The following ADAMTS10 variants were observed in gnomAD, a reference collection of about 807,000 sequenced individuals.
The protein encoded by ADAMTS10 is ADAM metallopeptidase with thrombospondin type 1 motif 10, also known as A disintegrin and metalloproteinase with thrombospondin motifs 10.
A neutral mutation model predicts 135.9 loss-of-function variants in ADAMTS10; 48 were observed. The observed-to-expected ratio is 0.35, with a 90% CI of 0.28 to 0.45. The LOEUF is 0.45. ADAMTS10 is among the 20% of genes least tolerant of loss of function. The probability of loss-of-function intolerance (pLI) is 1.00; values close to 1 mark genes in which losing one functional copy is unlikely to be tolerated. For synonymous variants in ADAMTS10, 621 were observed against 647.5 expected, an observed-to-expected ratio of 0.96 and a Z score of 0.62; for missense variants, 1,131 against 1,565.2, an observed-to-expected ratio of 0.72 and a Z score of 4.68.
chr19:8,592,300 G>A (rs2042545096), intron 13 of ADAMTS10, 197 bp from the exon 14 acceptor site: 5 of 1,111,908 alleles, frequency 4.5e-6, no homozygotes, highest in Non-Finnish European at 5.0e-6. Context: ...AGCGAGAGGC[G>A]TGGCCTGAGC....
chr19:8,592,435 C>G (rs1555739261), intron 13 of ADAMTS10, among the ~76,000 whole-genome samples: 1 of 150,352 alleles, frequency 6.7e-6, no homozygotes, highest in African/African-American at 2.5e-5. Context: ...CCGAGGGCAG[C>G]ACAGGGGATG....
chr19:8,597,273 G>A lies in ADAMTS10; in HGVS notation c.855C>T (p.Asn285=), dbSNP rs2042616790. 1 of 1,614,054 alleles carries A rather than the reference G, an allele frequency of 6.2e-7. No individual in the cohort carries two copies. Among genetic ancestry groups the A allele is most frequent in the African/African-American group, 1.3e-5 (1 of 74,918 alleles). Residue 285 remains asparagine, a synonymous_variant, in exon 7 of 26, where the codon AAC becomes AAT. Coordinates refer to ENST00000597188, the MANE Select transcript of ADAMTS10 (RefSeq NM_030957.4). ...GCAGGATGAGGCGAGTTACGAGGAT[G>A]TTAACGGTGCTTCCCAGACTCGAGT... ...FQDSSLGSTV[N]ILVTRLILLT... is the part of the protein sequence containing the mutation.
chr19:8,580,637 C>A lies in ADAMTS10; in HGVS notation c.*256G>T. On this transcript the variant is annotated 3_prime_UTR_variant, in exon 26 of 26. Coordinates refer to ENST00000597188, the MANE Select transcript of ADAMTS10 (RefSeq NM_030957.4). The stretch of plus-strand genomic sequence containing the variant: ...GTGCTGGGGTGAACAGCTGTCCCCT[C>A]CCCAGACCCACCCTGGAGGGGGGGT... 2.1e-6 allele frequency: 1 copy of A among 483,812 alleles called. No homozygotes were observed. Among genetic ancestry groups the A allele is most frequent in the East Asian group, 3.9e-5 (1 of 25,784 alleles). The allele number at this position is 483,812 out of a possible 1,614,324, so 30.0% of individuals were successfully genotyped here.
chr19:8,608,279 C>T (rs1020304316), intron 1 of ADAMTS10, 31 bp from the exon 2 acceptor site: 4 of 152,384 alleles, frequency 2.6e-5, no homozygotes, highest in South Asian at 4.1e-4. Flanking sequence ...GAGGAGGAGC[C>T]GGGCTGGTCT....
chr19:8,589,600 C>T lies in ADAMTS10; in HGVS notation c.1901-15G>A. 1 of 1,613,170 alleles carries T rather than the reference C, an allele frequency of 6.2e-7. No individual in the cohort carries two copies. Among genetic ancestry groups the T allele is most frequent in the Non-Finnish European group, 8.5e-7 (1 of 1,179,954 alleles). On this transcript the variant is annotated splice_polypyrimidine_tract_variant and intron_variant, in intron 16 of 25. Transcript: ENST00000597188. ...CTTCACGCCCCCTGGGGGGCACGGC[C>T]CCGTCACACCACGGGCCAGGCCACC...
intron 12 of ADAMTS10, among the ~76,000 whole-genome samples, chr19:8,594,039 C>T (rs2042575550): frequency 6.6e-6 from 1 of 152,186 alleles, no homozygotes; most frequent in Non-Finnish European, 1.5e-5. Context: ...GAGGACATTT[C>T]TCAGCTAAAA....
intron 2 of ADAMTS10, among the ~76,000 whole-genome samples, chr19:8,606,585 T>C (rs2146106051): frequency 6.6e-6 from 1 of 152,204 alleles, no homozygotes; most frequent in South Asian, 2.1e-4. Flanking sequence ...GTATTTTTAG[T>C]AGAGATGGGG....
At chr19:8,585,787 C>T (rs2042420087) in intron 22 of ADAMTS10, 127 bp from the exon 23 acceptor site, 1 of 987,640 alleles carries the variant, frequency 1.0e-6, no homozygotes, top group South Asian at 1.5e-5. Context: ...GCACCAGGCA[C>T]CTCCACATTC....
chr19:8,599,843 A>AT lies in ADAMTS10; in HGVS notation c.810+1084dup, dbSNP rs1286068088. Among the ~76,000 whole-genome samples the AT allele has an allele frequency of 3.5e-3, 523 of 149,358 alleles. 2 individuals carry two copies. The highest frequency in any genetic ancestry group is 0.011 in the African/African-American group (446 of 40,616). ...CAGGCTGCTGTGTACTTATTTTTTTATTTTTTTTTGAGACAGAGTCTTGCT... is the reference window on the plus strand; with the variant it reads ...CAGGCTGCTGTGTACTTATTTTTTTATTTTTTTTTTGAGACAGAGTCTTGCT... On this transcript the variant is annotated intron_variant, in intron 6 of 25. Transcript: ENST00000597188.
chr19:8,589,021 G>A (rs1197954187), intron 18 of ADAMTS10, among the ~76,000 whole-genome samples: 1 of 152,058 alleles, frequency 6.6e-6, no homozygotes, highest in African/African-American at 2.4e-5. Flanking sequence ...CAAACTCCTG[G>A]CCTCAAGTGA....
intron 5 of ADAMTS10, among the ~76,000 whole-genome samples, chr19:8,602,676 A>G (rs1397917024): frequency 6.6e-6 from 1 of 152,044 alleles, no homozygotes; most frequent in Non-Finnish European, 1.5e-5. Flanking sequence ...CCCACGCTGG[A>G]GTGCAGTGGT....
chr19:8,604,001 CTTT>C (rs36044688), intron 4 of ADAMTS10, 117 bp from the exon 5 acceptor site: 421 of 823,306 alleles, frequency 5.1e-4, no homozygotes, highest in South Asian at 8.3e-4. Flanking sequence ...TTTGCTATTT[CTTT>C]TTTTTTTTTT....
chr19:8,595,289 T>A (rs1344545976), intron 12 of ADAMTS10, among the ~76,000 whole-genome samples: 1 of 151,864 alleles, frequency 6.6e-6, no homozygotes, highest in Non-Finnish European at 1.5e-5. Flanking sequence ...CAGGAAAGGG[T>A]GGGGAGAGGT....
At position 8,588,850 on chromosome 19, in the gene ADAMTS10, G is replaced by A. The variant is rs140758510; in HGVS notation, c.2158+392C>T. ...TCTGTCGCCCAGACTGGAGTGCAGT[G>A]GTGTGATCTCGGCTCACTGCAACCT... On this transcript the variant is annotated intron_variant, in intron 18 of 25. Transcript: ENST00000597188. Among the ~76,000 whole-genome samples the A allele has an allele frequency of 7.1e-3, 1,075 of 151,984 alleles. 11 individuals are homozygous for A. Among genetic ancestry groups the A allele is most frequent in the African/African-American group, 0.025 (1,046 of 41,470 alleles).
Position 8,605,577 on chromosome 19 carries a change from T to C in ADAMTS10, c.88+46A>G. On this transcript the variant is annotated intron_variant, in intron 3 of 25. Coordinates refer to ENST00000597188, the MANE Select transcript of ADAMTS10 (RefSeq NM_030957.4). The surrounding 1 kb of genome is among the most constrained non-coding windows in gnomAD (Gnocchi z 7.7). ...TTCTGTTGGAGCCCAACTGGTCTCT[T>C]ACATTTTTCGCTCCCTCCCCACCGC... is the stretch of plus-strand genomic sequence containing the variant. 1 of 1,595,820 alleles carries C rather than the reference T, an allele frequency of 6.3e-7. No individual in the cohort carries two copies. Among genetic ancestry groups the C allele is most frequent in the Non-Finnish European group, 8.5e-7 (1 of 1,171,708 alleles).
Position 8,605,009 on chromosome 19 carries a change from C to T in ADAMTS10, c.435+3G>A, listed in dbSNP as rs2042703852. On this transcript the variant is annotated splice_donor_region_variant and intron_variant, in intron 4 of 25. Transcript: ENST00000597188. The surrounding 1 kb of genome is among the most constrained non-coding windows in gnomAD (Gnocchi z 7.7). The stretch of plus-strand genomic sequence containing the variant: ...CCCCCGCGTTCCAGAATCCTCAGCT[C>T]ACCAGGCCTCCACAGGTGCTGATGG... The T allele has an allele frequency of 6.3e-7, 1 of 1,598,288 alleles. No homozygotes were observed. The highest frequency in any genetic ancestry group is 8.5e-7 in the Non-Finnish European group (1 of 1,173,416).
At position 8,596,625 on chromosome 19, in the gene ADAMTS10, C is replaced by T; in HGVS notation, c.1041-40G>A. The T allele has an allele frequency of 6.2e-7, 1 of 1,607,244 alleles. No homozygotes were observed. Among genetic ancestry groups the T allele is most frequent in the Non-Finnish European group, 8.5e-7 (1 of 1,176,910 alleles). On this transcript the variant is annotated intron_variant, in intron 8 of 25. Transcript: ENST00000597188. The surrounding 1 kb of genome is among the most constrained non-coding windows in gnomAD (Gnocchi z 7.2). ...AGGGTCAGTGAGGGGGCTGGGCTGT[C>T]TCCCTAAGCCCTGCTGATGCCACCA...
Position 8,585,540 on chromosome 19 carries a change from T to G in ADAMTS10, c.2781A>C (p.Ala927=), listed in dbSNP as rs2042416067. ...GTACAGGTGGGCGCGGCTGCGGGCA[T>G]GCGCTGTCGTCCAGCGCCTTCTCCT... ...AAEEKALDDS[A]CPQPRPPVLE... The change falls in exon 23 of 26, where the codon GCA becomes GCC. Residue 927 remains alanine (A), a synonymous_variant. Coordinates refer to ENST00000597188, the MANE Select transcript of ADAMTS10 (RefSeq NM_030957.4). The G allele has an allele frequency of 6.3e-7, 1 of 1,579,168 alleles. No individual in the cohort carries two copies. Among genetic ancestry groups the G allele is most frequent in the Admixed American group, 1.8e-5 (1 of 54,786 alleles).
At chr19:8,590,101 G>A in intron 15 of ADAMTS10, 110 bp from the exon 16 acceptor site, 1 of 788,636 alleles carries the variant, frequency 1.3e-6, no homozygotes, top group Non-Finnish European at 2.2e-6. Context: ...AGGCAGGGAG[G>A]CCAGGGAGGA....
Sources: allele counts gnomAD v4.1 joint callset (sites outside exome capture counted in the v4.1 genomes callset), GRCh38; gene constraint gnomAD v4.1.1; non-coding constraint Gnocchi (gnomAD v3.1); transcripts MANE v1.5; gene names NCBI Gene and HGNC (gene_info 2026-07-23, HGNC 2026-07-21).